PRMT7: variants seen among roughly 807,000 people sequenced by gnomAD.
PRMT7 encodes the protein protein arginine N-methyltransferase 7.
A neutral mutation model predicts 85.4 loss-of-function variants in PRMT7; 75 were observed. The ratio of observed to expected loss-of-function variants is 0.88; its 90% CI spans 0.73 to 1.06. The LOEUF is 1.06. PRMT7 is among the 50% of genes least tolerant of loss of function. The pLI is 0.00. For synonymous variants in PRMT7, 397 were observed against 359.5 expected (o/e 1.10, Z -1.18); for missense variants, 868 against 915.2 (o/e 0.95, Z 0.67).
intron 14 of PRMT7, among the ~76,000 whole-genome samples, chr16:68,349,144 G>A (rs7197653): frequency 0.011 from 1,677 of 152,078 alleles, 37 homozygotes; most frequent in African/African-American, 0.039. Context: ...CGGTCTCCCT[G>A]CAGGCTTCAT....
chr16:68,360,192 G>A (rs1460116312), downstream of PRMT7: 1 of 152,638 alleles, frequency 6.6e-6, no homozygotes, highest in Non-Finnish European at 1.5e-5. Context: ...TCCCCAGGGA[G>A]GGATTGGTCC....
At position 68,328,700 on chromosome 16, in the gene PRMT7, TACTC is replaced by T. The variant is rs531584534; in HGVS notation, c.283-363_283-360del. Among the ~76,000 whole-genome samples the T allele has an allele frequency of 5.1e-3, 772 of 152,102 alleles. 6 individuals carry two copies. Among genetic ancestry groups the T allele is most frequent in the Non-Finnish European group, 6.8e-3 (460 of 67,982 alleles). The stretch of plus-strand genomic sequence containing the variant: ...TTTTGAGCCCAGAGGATGACCTACT[TACTC>T]ACACCTACAGTCTGCTCTCCTCTGG... On this transcript the variant is annotated intron_variant, in intron 5 of 18. Transcript: ENST00000441236.
chr16:68,347,810 C>A, intron 13 of PRMT7, 132 bp downstream of exon 13: 1 of 776,338 alleles, frequency 1.3e-6, no homozygotes, highest in Non-Finnish European at 2.1e-6. Context: ...GTCTTGGTTG[C>A]TGCCTGGAGA....
intron 3 of PRMT7, among the ~76,000 whole-genome samples, chr16:68,319,711 A>AGAGTGTGTGTGTGTGTGTGTGTGT (rs1555543581): frequency 7.1e-6 from 1 of 141,446 alleles, no homozygotes; most frequent in Non-Finnish European, 1.5e-5. Context: ...TAAGAGTGAG[A>AGAGTGTGTGTGTGTGTGTGTGTGT]GTGTGTGTGT....
chr16:68,347,351 C>G, intron 12 of PRMT7, 57 bp downstream of exon 12: 3 of 1,464,408 alleles, frequency 2.0e-6, no homozygotes, highest in Non-Finnish European at 2.8e-6. Context: ...TAGAGCATTG[C>G]GTGGTCCGGG....
intron 17 of PRMT7, among the ~76,000 whole-genome samples, 193 bp from the exon 18 acceptor site, chr16:68,356,508 G>C (rs538430984): frequency 8.3e-4 from 126 of 152,392 alleles, no homozygotes; most frequent in Non-Finnish European, 1.4e-3. Context: ...TGGCTCAGGT[G>C]GGGGCTTGGC....
intron 4 of PRMT7, chr16:68,321,845 TCAC>T: frequency 5.9e-6 from 1 of 170,304 alleles, no homozygotes; most frequent in Admixed American, 6.2e-5. Context: ...TAACTATAGC[TCAC>T]AATGCCGTAC....
At chr16:68,345,899 GTGTC>G in intron 10 of PRMT7, 97 bp downstream of exon 10, 7 of 1,534,694 alleles carry the variant, frequency 4.6e-6, no homozygotes, top group Non-Finnish European at 6.2e-6. Flanking sequence ...GGGTTGATTT[GTGTC>G]TGGACAGAAT....
At chr16:68,344,869 A>T (rs946963904) in intron 9 of PRMT7, among the ~76,000 whole-genome samples, 1 of 150,934 alleles carries the variant, frequency 6.6e-6, no homozygotes, top group Non-Finnish European at 1.5e-5. Context: ...ATTTAAATTT[A>T]CCAGTTGTTA....
In PRMT7 at chr16:68,324,725, GT is replaced by G; in HGVS notation, c.176del (p.Val59GlyfsTer22). On this transcript the variant is annotated frameshift_variant, in exon 5 of 19. Transcript: ENST00000441236. LOFTEE classifies it high-confidence loss of function. Reference sequence around the variant, plus strand: ...AGGTATCCGGGCTGCCGTGAGCAGGGTGAAGGACAGAGGACAGAAGGCCTTG... The same window carrying G: ...AGGTATCCGGGCTGCCGTGAGCAGGGGAAGGACAGAGGACAGAAGGCCTTG... ...YQGIRAAVSR[V>X]KDRGQKALVL... 1 of 1,614,256 alleles carries G rather than the reference GT, an allele frequency of 6.2e-7. No individual in the cohort carries two copies. Among genetic ancestry groups the G allele is most frequent in the South Asian group, 1.1e-5 (1 of 91,084 alleles).
chr16:68,356,083 G>A lies in PRMT7; in HGVS notation c.1811+200G>A, dbSNP rs112660404. 1.7e-3 allele frequency among the ~76,000 whole-genome samples: 261 copies of A among 152,352 alleles called. 3 individuals are homozygous for A. Among genetic ancestry groups the A allele is most frequent in the African/African-American group, 5.9e-3 (247 of 41,590 alleles). On this transcript the variant is annotated intron_variant, in intron 17 of 18. Coordinates refer to ENST00000441236, the MANE Select transcript of PRMT7 (RefSeq NM_019023.5). ...CGGTCCTGTGTGTGCCACTGGTGGA[G>A]GAGCCAGGAAGGGCTCTGCTCCCCC... is the stretch of plus-strand genomic sequence containing the variant.
Position 68,337,505 on chromosome 16 carries a change from T to G in PRMT7, c.438T>G (p.Phe146Leu). 3 of 1,612,888 alleles carry G rather than the reference T, an allele frequency of 1.9e-6. No individual in the cohort carries two copies. The highest frequency in any genetic ancestry group is 2.5e-6 in the Non-Finnish European group (3 of 1,179,404). Reference protein sequence around the residue: ...CRANILVTELFDTELIGEGAL... With the variant: ...CRANILVTELLDTELIGEGAL... ...CCAACATCCTGGTCACAGAGTTGTTTGACACAGAGCTGATCGGGGAGGGGG... is the reference window on the plus strand; with the variant it reads ...CCAACATCCTGGTCACAGAGTTGTTGGACACAGAGCTGATCGGGGAGGGGG... The change falls in exon 7 of 19, where the codon TTT becomes TTG. Residue 146 changes from phenylalanine (F) to leucine (L), a missense_variant. Transcript: ENST00000441236.
At chr16:68,325,398 G>C (rs1285478227) in intron 5 of PRMT7, among the ~76,000 whole-genome samples, 1 of 152,132 alleles carries the variant, frequency 6.6e-6, no homozygotes, top group Non-Finnish European at 1.5e-5. Context: ...CAACTAATCA[G>C]TATATGAACT....
chr16:68,336,056 C>T (rs111362836), intron 6 of PRMT7, among the ~76,000 whole-genome samples: 22,703 of 152,164 alleles, frequency 0.15, 1,888 homozygotes, highest in African/African-American at 0.22. Flanking sequence ...GGATTACAGG[C>T]GGGAGCCACC....
intron 15 of PRMT7, 48 bp downstream of exon 15, chr16:68,352,457 G>T: frequency 6.5e-7 from 1 of 1,549,190 alleles, no homozygotes; most frequent in South Asian, 1.2e-5. Flanking sequence ...GAGGCGGGTG[G>T]GGAACCTTGT....
At chr16:68,348,708 T>C (rs2086799115) in intron 14 of PRMT7, among the ~76,000 whole-genome samples, 1 of 146,850 alleles carries the variant, frequency 6.8e-6, no homozygotes, top group South Asian at 2.2e-4. Flanking sequence ...AGTGGCACGA[T>C]CTTGGCTTAC....
chr16:68,315,474 C>G (rs2044607977), intron 2 of PRMT7: 1 of 160,256 alleles, frequency 6.2e-6, no homozygotes, highest in Non-Finnish European at 1.4e-5. Context: ...TTGACTTGCT[C>G]TATCTTCATA....
At chr16:68,344,311 G>A (rs1359168327) in intron 9 of PRMT7, among the ~76,000 whole-genome samples, 5 of 152,166 alleles carry the variant, frequency 3.3e-5, no homozygotes, top group Non-Finnish European at 7.3e-5. Flanking sequence ...TCAAAAAGAG[G>A]CTTAACAATT....
chr16:68,345,953 C>T (rs2086291408), intron 10 of PRMT7, 151 bp downstream of exon 10: 3 of 1,347,128 alleles, frequency 2.2e-6, no homozygotes, highest in Non-Finnish European at 3.1e-6. Flanking sequence ...TGTCAGTGCC[C>T]ATTCGTGTGT....
Sources: allele counts gnomAD v4.1 joint callset (sites outside exome capture counted in the v4.1 genomes callset), GRCh38; gene constraint gnomAD v4.1.1; transcripts MANE v1.5; gene names NCBI Gene and HGNC (gene_info 2026-07-23, HGNC 2026-07-21).